Variants in CRY1 observed in about 807,000 individuals in gnomAD.
The protein encoded by CRY1 is cryptochrome-1.
CRY1 carries 45 observed loss-of-function variants against 76.0 expected under a neutral mutation model. The ratio of observed to expected loss-of-function variants is 0.59; its 90% confidence interval spans 0.47 to 0.76. The LOEUF is 0.76. Ranked by LOEUF, CRY1 falls within the 30% of genes least tolerant of loss-of-function variation. The pLI, the probability that CRY1 is intolerant of heterozygous loss-of-function variation, is 0.00. For synonymous variants in CRY1, 248 were observed against 244.0 expected, an observed-to-expected ratio of 1.02 and a Z score of -0.15; for missense variants, 587 against 716.4, an observed-to-expected ratio of 0.82 and a Z score of 2.06.
chr12:107,015,660 TTTTCA>T (rs1343120165), intron 2 of CRY1, among the ~76,000 whole-genome samples: 1 of 152,150 alleles, frequency 6.6e-6, no homozygotes, highest in African/African-American at 2.4e-5. Context: ...CACCAACATA[TTTTCA>T]TTTGAGTAAG....
At chr12:107,035,269 G>A (rs552365173) in intron 1 of CRY1, among the ~76,000 whole-genome samples, 17 of 152,140 alleles carry the variant, frequency 1.1e-4, no homozygotes, top group East Asian at 9.6e-4. Flanking sequence ...GATTTTTCTC[G>A]TACTGACATT....
intron 1 of CRY1, among the ~76,000 whole-genome samples, chr12:107,027,653 T>C (rs1565829757): frequency 6.6e-6 from 1 of 152,318 alleles, no homozygotes; most frequent in East Asian, 1.9e-4. Context: ...TCTATTGCTG[T>C]TATTTTAAAA....
At chr12:107,056,257 C>T (rs1952980892) in intron 1 of CRY1, among the ~76,000 whole-genome samples, 1 of 152,206 alleles carries the variant, frequency 6.6e-6, no homozygotes, top group South Asian at 2.1e-4. Flanking sequence ...ACAAAATCCT[C>T]CTCCACACCT....
intron 1 of CRY1, among the ~76,000 whole-genome samples, chr12:107,067,147 T>C (rs1040368184): frequency 2.6e-5 from 4 of 152,166 alleles, no homozygotes; most frequent in African/African-American, 9.7e-5. Flanking sequence ...AAATCTGACC[T>C]GTGGCCTGTT....
intron 1 of CRY1, among the ~76,000 whole-genome samples, chr12:107,031,668 C>T (rs1246661750): frequency 1.3e-5 from 2 of 151,990 alleles, no homozygotes; most frequent in East Asian, 1.9e-4. Flanking sequence ...TGATATTGTC[C>T]CCCAAACCCC....
intron 1 of CRY1, among the ~76,000 whole-genome samples, chr12:107,026,726 T>C (rs892874802): frequency 2.6e-5 from 4 of 151,662 alleles, no homozygotes; most frequent in African/African-American, 9.7e-5. Context: ...ATGGTAGATA[T>C]GTATCAAACA....
intron 1 of CRY1, among the ~76,000 whole-genome samples, chr12:107,034,920 T>G (rs1008109593): frequency 1.8e-4 from 28 of 152,200 alleles, no homozygotes; most frequent in African/African-American, 6.3e-4. Context: ...ATCTCAAAAA[T>G]CACACAGAGC....
chr12:107,058,974 A>G (rs2136882060), intron 1 of CRY1, among the ~76,000 whole-genome samples: 1 of 152,210 alleles, frequency 6.6e-6, no homozygotes, highest in East Asian at 1.9e-4. Flanking sequence ...GCCTAGGGCA[A>G]GTGGTTTAAT....
rs1051696293 is a variant in CRY1 at position 107,081,461 on chromosome 12, C to T, written c.158+11343G>A. Among the ~76,000 whole-genome samples the T allele has an allele frequency of 2.2e-4, 33 of 152,154 alleles. 1 individual carries two copies. The highest frequency in any genetic ancestry group is 7.2e-4 in the African/African-American group (30 of 41,552). ...CTCTTCCTTTAGGTCCCTGTTCTCA[C>T]ATTCTGCTTTATTTCTCTCCATTGA... On this transcript the variant is annotated intron_variant, in intron 1 of 12. Coordinates refer to ENST00000008527, the MANE Select transcript of CRY1 (RefSeq NM_004075.5).
chr12:107,077,793 C>T (rs930303062), intron 1 of CRY1, among the ~76,000 whole-genome samples: 4 of 152,060 alleles, frequency 2.6e-5, no homozygotes, highest in Non-Finnish European at 5.9e-5. Flanking sequence ...AAAAATCCCC[C>T]TCACATTCCA....
chr12:107,052,911 C>T (rs1401161192), intron 1 of CRY1, among the ~76,000 whole-genome samples: 2 of 152,142 alleles, frequency 1.3e-5, no homozygotes, highest in African/African-American at 2.4e-5. Flanking sequence ...AGATATAAGC[C>T]ACTAGAGATT....
At chr12:107,061,043 C>G (rs1211487791) in intron 1 of CRY1, among the ~76,000 whole-genome samples, 1 of 152,020 alleles carries the variant, frequency 6.6e-6, no homozygotes, top group Non-Finnish European at 1.5e-5. Context: ...AGCTGGAAGT[C>G]TGTGTTTATT....
chr12:107,007,605 T>C (rs1420611592), intron 2 of CRY1, among the ~76,000 whole-genome samples: 5 of 151,752 alleles, frequency 3.3e-5, no homozygotes, highest in African/African-American at 4.8e-5. Context: ...TCATAGCTCA[T>C]TGCAACCTCA....
At chr12:107,029,462 C>T (rs1374962165) in intron 1 of CRY1, among the ~76,000 whole-genome samples, 1 of 151,852 alleles carries the variant, frequency 6.6e-6, no homozygotes, top group East Asian at 1.9e-4. Context: ...GGCGTGGTGG[C>T]GTATGCCTGT....
At chr12:107,043,929 C>A (rs1018558472) in intron 1 of CRY1, among the ~76,000 whole-genome samples, 3 of 152,022 alleles carry the variant, frequency 2.0e-5, no homozygotes, top group East Asian at 1.9e-4. Context: ...CAGGCTCAAA[C>A]CTCCAAAGTA....
intron 1 of CRY1, among the ~76,000 whole-genome samples, chr12:107,034,882 T>C (rs1011602888): frequency 1.3e-5 from 2 of 152,346 alleles, no homozygotes; most frequent in South Asian, 2.1e-4. Context: ...ATTAGACTAA[T>C]ATAATCCTTG....
intron 1 of CRY1, among the ~76,000 whole-genome samples, chr12:107,030,310 T>C (rs770076859): frequency 1.8e-4 from 27 of 152,184 alleles, no homozygotes; most frequent in Non-Finnish European, 4.4e-5. Flanking sequence ...TGATGGAATC[T>C]GAAACTCACC....
intron 1 of CRY1, among the ~76,000 whole-genome samples, chr12:107,023,958 T>C (rs1952583132): frequency 6.6e-6 from 1 of 152,208 alleles, no homozygotes; most frequent in Non-Finnish European, 1.5e-5. Context: ...CAAATGTTTA[T>C]TGGGAAGCAT....
At chr12:107,018,566 A>G (rs1952521357) in intron 2 of CRY1, among the ~76,000 whole-genome samples, 1 of 152,210 alleles carries the variant, frequency 6.6e-6, no homozygotes, top group African/African-American at 2.4e-5. Context: ...CAGCCTGGGC[A>G]ACAGAGCAAG....
Sources: allele counts gnomAD v4.1 joint callset (sites outside exome capture counted in the v4.1 genomes callset), GRCh38; gene constraint gnomAD v4.1.1; transcripts MANE v1.5; gene names NCBI Gene and HGNC (gene_info 2026-07-23, HGNC 2026-07-21).